NMRK2: variants seen among roughly 807,000 people sequenced by gnomAD.
The protein encoded by NMRK2 is nicotinamide riboside kinase 2.
A neutral mutation model predicts 24.7 loss-of-function variants in NMRK2; 34 were observed. The ratio of observed to expected loss-of-function variants is 1.37; its 90% confidence interval spans 1.05 to 1.83. NMRK2 has a LOEUF of 1.83. NMRK2 is among the 40% of genes most tolerant of loss of function. The pLI, the probability that NMRK2 is intolerant of heterozygous loss-of-function variation, is 0.00. For synonymous variants in NMRK2, 145 were observed against 125.6 expected (o/e 1.15, Z -1.03); for missense variants, 341 against 315.0 (o/e 1.08, Z -0.62).
chr19:3,940,332 T>C, intron 6 of NMRK2, among the ~76,000 whole-genome samples: 1 of 90,898 alleles, frequency 1.1e-5, no homozygotes. Flanking sequence ...GGAGACTCTG[T>C]CTCAAAAAAA....
intron 2 of NMRK2, 68 bp from the exon 3 acceptor site, chr19:3,936,507 C>A: frequency 1.7e-6 from 2 of 1,171,484 alleles, no homozygotes; most frequent in Non-Finnish European, 1.2e-6. Context: ...CACCTCAGGC[C>A]CCCTTCTGAG....
intron 3 of NMRK2, 135 bp downstream of exon 3, chr19:3,936,800 T>G: frequency 1.5e-6 from 1 of 669,510 alleles, no homozygotes; most frequent in South Asian, 2.0e-5. Flanking sequence ...TGACCCCTCC[T>G]GGGGTCTCTG....
intron 2 of NMRK2, 70 bp downstream of exon 2, chr19:3,933,767 C>G: frequency 7.5e-7 from 1 of 1,337,254 alleles, no homozygotes; most frequent in Non-Finnish European, 9.6e-7. Flanking sequence ...GGGGGAGGCC[C>G]GGGAATGAAT....
Position 3,942,240 on chromosome 19 carries a change from C to T in NMRK2, c.660C>T (p.Ala220=). ...GPGRGCGHRT[A]RPAASQQDSM is the part of the protein sequence containing the mutation. Reference sequence around the variant, plus strand: ...GACGCGGATGCGGCCACAGAACGGCCAGGCCTGCAGCGTCCCAGCAGGACA... The same window carrying T: ...GACGCGGATGCGGCCACAGAACGGCTAGGCCTGCAGCGTCCCAGCAGGACA... Residue 220 remains alanine (A), a synonymous_variant, in exon 8 of 8, where the codon GCC becomes GCT. Transcript: ENST00000168977. 1 of 1,611,900 alleles carries T rather than the reference C, an allele frequency of 6.2e-7. No homozygotes were observed. The highest frequency in any genetic ancestry group is 8.5e-7 in the Non-Finnish European group (1 of 1,179,596).
At chr19:3,939,075 C>A (rs1017588589) in intron 5 of NMRK2, among the ~76,000 whole-genome samples, 18 of 151,774 alleles carry the variant, frequency 1.2e-4, no homozygotes, top group African/African-American at 3.9e-4. Flanking sequence ...TCTCAAACTC[C>A]TGACCTCAAG....
chr19:3,941,014 A>G, intron 6 of NMRK2, 57 bp from the exon 7 acceptor site: 1 of 1,149,860 alleles, frequency 8.7e-7, no homozygotes, highest in Non-Finnish European at 1.3e-6. Context: ...CACCGGGGGT[A>G]TATTCTTAGC....
chr19:3,941,194 G>T lies in NMRK2; in HGVS notation c.502+17G>T. ...TGGAAGTGGGTAAGCCCCTGAGCAT[G>T]ACCAGGCCTTGCCCCGGGCGGGCGG... On this transcript the variant is annotated intron_variant, in intron 7 of 7. Coordinates refer to ENST00000168977, the MANE Select transcript of NMRK2 (RefSeq NM_170678.3). 1 of 852,804 alleles carries T rather than the reference G, an allele frequency of 1.2e-6. No homozygotes were observed. The highest frequency in any genetic ancestry group is 1.3e-5 in the South Asian group (1 of 75,976). 52.8% of individuals were successfully genotyped at this position (852,804 alleles called of 1,614,324 possible).
chr19:3,942,325 A>T lies in NMRK2; in HGVS notation c.*52A>T. ...GTAGGAGAGTGGAGGCCCCACTCCC[A>T]GTTGGGCGTCCCGGAGCTCAGGGAC... On this transcript the variant is annotated 3_prime_UTR_variant, in exon 8 of 8. Coordinates refer to ENST00000168977, the MANE Select transcript of NMRK2 (RefSeq NM_170678.3). 1 of 1,508,544 alleles carries T rather than the reference A, an allele frequency of 6.6e-7. No individual in the cohort carries two copies. The highest frequency in any genetic ancestry group is 2.0e-5 in the Admixed American group (1 of 49,982). 93.4% of individuals were successfully genotyped at this position (1,508,544 alleles called of 1,614,324 possible).
At chr19:3,933,960 AAAAT>A (rs2039166780) in intron 2 of NMRK2, among the ~76,000 whole-genome samples, 1 of 152,118 alleles carries the variant, frequency 6.6e-6, no homozygotes, top group Non-Finnish European at 1.5e-5. Flanking sequence ...GCATAAAAAA[AAAAT>A]AGACCAGACA....
intron 6 of NMRK2, among the ~76,000 whole-genome samples, chr19:3,940,860 C>T (rs1048278640): frequency 7.2e-5 from 11 of 152,274 alleles, no homozygotes; most frequent in Admixed American, 5.2e-4. Context: ...CTGGATAGCA[C>T]GGCCCACCCC....
In NMRK2 at chr19:3,933,655, C is replaced by A. The variant is rs539879660; in HGVS notation, c.-17C>A. On this transcript the variant is annotated 5_prime_UTR_variant, in exon 2 of 8. Transcript: ENST00000168977. ...GGGCTGCCTTGGAAGTCGTCCCCGCCGCCCCTCCGCACCGGCATGAAGCTC... is the reference window on the plus strand; with the variant it reads ...GGGCTGCCTTGGAAGTCGTCCCCGCAGCCCCTCCGCACCGGCATGAAGCTC... 5.8e-5 allele frequency: 88 copies of A among 1,516,578 alleles called. No homozygotes were observed. In the African/African-American group the frequency reaches 1.1e-3, roughly 19 times the overall value. 93.9% of individuals were successfully genotyped at this position (1,516,578 alleles called of 1,614,324 possible).
rs544364427 is a variant in NMRK2 at position 3,936,979 on chromosome 19, G to T, written c.118-261G>T. Among the ~76,000 whole-genome samples the T allele has an allele frequency of 1.4e-4, 21 of 152,240 alleles. No individual in the cohort carries two copies. In the South Asian group the frequency reaches 4.3e-3, roughly 32 times the overall value. On this transcript the variant is annotated intron_variant, in intron 3 of 7. Coordinates refer to ENST00000168977, the MANE Select transcript of NMRK2 (RefSeq NM_170678.3). ...GGGCCAGCCGGCTGTGGCTTTCTGG[G>T]TGAATACCCTTTATTCCTCTCCACC...
chr19:3,940,991 C>G, intron 6 of NMRK2, 80 bp from the exon 7 acceptor site: 1 of 918,532 alleles, frequency 1.1e-6, no homozygotes, highest in Non-Finnish European at 1.7e-6. Flanking sequence ...ACTATGACAG[C>G]TTTCAGGCCC....
rs773019612 is a variant in NMRK2 at position 3,941,063 on chromosome 19, C to T, written c.396-8C>T. On this transcript the variant is annotated splice_polypyrimidine_tract_variant and splice_region_variant and intron_variant, in intron 6 of 7. Transcript: ENST00000168977. ...GCTCTAAGCCATCCTTGCCTTCTCCCTCTGCAGTACCCGCAACTACACAGT... is the reference window on the plus strand; with the variant it reads ...GCTCTAAGCCATCCTTGCCTTCTCCTTCTGCAGTACCCGCAACTACACAGT... The T allele has an allele frequency of 6.9e-6, 11 of 1,594,094 alleles. No individual in the cohort carries two copies. The highest frequency in any genetic ancestry group is 9.5e-6 in the Non-Finnish European group (11 of 1,162,506).
intron 7 of NMRK2, 116 bp from the exon 8 acceptor site, chr19:3,941,965 CTG>C (rs1457333025): frequency 2.5e-6 from 2 of 787,330 alleles, no homozygotes; most frequent in African/African-American, 3.4e-5. Flanking sequence ...GTCCAGGAAA[CTG>C]ACTCCAGCAG....
intron 5 of NMRK2, among the ~76,000 whole-genome samples, chr19:3,939,684 C>T (rs998964231): frequency 6.6e-6 from 1 of 152,056 alleles, no homozygotes; most frequent in African/African-American, 2.4e-5. Flanking sequence ...TGTCTGTGCC[C>T]GTCCAAGTTG....
intron 6 of NMRK2, 112 bp downstream of exon 6, chr19:3,940,083 T>C: frequency 1.1e-6 from 1 of 918,210 alleles, no homozygotes; most frequent in Non-Finnish European, 1.7e-6. Flanking sequence ...ACAGTGTCTC[T>C]GGGCTGTAAT....
intron 3 of NMRK2, 50 bp from the exon 4 acceptor site, chr19:3,937,190 G>T: frequency 6.2e-7 from 1 of 1,603,542 alleles, no homozygotes; most frequent in Non-Finnish European, 8.5e-7. Context: ...CAGGCCGGGG[G>T]TGAGGCAGGA....
intron 5 of NMRK2, 85 bp downstream of exon 5, chr19:3,938,844 GTTTTGTTT>G: frequency 9.3e-5 from 16 of 171,428 alleles, no homozygotes; most frequent in South Asian, 3.2e-4. Flanking sequence ...TTTTTTTTTT[GTTTTGTTT>G]TTTTTTTTTT....
Sources: allele counts gnomAD v4.1 joint callset (sites outside exome capture counted in the v4.1 genomes callset), GRCh38; gene constraint gnomAD v4.1.1; transcripts MANE v1.5; gene names NCBI Gene and HGNC (gene_info 2026-07-23, HGNC 2026-07-21).